LYPD6: variants seen among roughly 807,000 people sequenced by gnomAD.
LYPD6 encodes the protein LY6/PLAUR domain containing 6.
Under a neutral mutation model 22.7 loss-of-function variants are expected in LYPD6, and 15 were observed. That is an observed-to-expected ratio of 0.66 (90% CI 0.44 to 1.02). The LOEUF (loss-of-function observed/expected upper bound fraction) is 1.02. Among genes scored for constraint, LYPD6 ranks in the 50% least tolerant of loss-of-function variants. LYPD6 has a pLI of 0.00. For missense variants in LYPD6, 189 were observed against 208.4 expected, an observed-to-expected ratio of 0.91 and a Z score of 0.57; for synonymous variants, 72 against 77.5, an observed-to-expected ratio of 0.93 and a Z score of 0.37.
downstream of LYPD6, among the ~76,000 whole-genome samples, chr2:149,478,621 G>T (rs1181466676): frequency 6.6e-6 from 1 of 151,940 alleles, no homozygotes; most frequent in African/African-American, 2.4e-5. Flanking sequence ...ATGGGGTCTT[G>T]CTATATTGCC....
intron 1 of LYPD6, among the ~76,000 whole-genome samples, chr2:149,433,934 A>G (rs1201410288): frequency 6.6e-6 from 1 of 152,180 alleles, no homozygotes; most frequent in Non-Finnish European, 1.5e-5. Context: ...ATGTGGAATC[A>G]TGATATATTG....
At chr2:149,391,823 T>C (rs1471897447) in intron 1 of LYPD6, among the ~76,000 whole-genome samples, 2 of 152,180 alleles carry the variant, frequency 1.3e-5, no homozygotes, top group Non-Finnish European at 2.9e-5. Context: ...TGCATCCCTA[T>C]TGGTGGGGAA....
chr2:149,401,318 C>T (rs1042944488), intron 1 of LYPD6, among the ~76,000 whole-genome samples: 4 of 152,194 alleles, frequency 2.6e-5, no homozygotes, highest in African/African-American at 4.8e-5. Context: ...GGCCGGTTGC[C>T]ACCCTGAACA....
chr2:149,398,535 T>C (rs1682479064), intron 1 of LYPD6, among the ~76,000 whole-genome samples: 1 of 152,028 alleles, frequency 6.6e-6, no homozygotes, highest in Non-Finnish European at 1.5e-5. Context: ...GATGCTGCTT[T>C]CCTTACTTTC....
At chr2:149,412,359 T>A (rs181213607) in intron 1 of LYPD6, among the ~76,000 whole-genome samples, 1 of 152,258 alleles carries the variant, frequency 6.6e-6, no homozygotes, top group East Asian at 1.9e-4. Context: ...CTAATTTTAT[T>A]TCTTTTTTTT....
intron 1 of LYPD6, among the ~76,000 whole-genome samples, chr2:149,412,608 A>G (rs1448582475): frequency 6.6e-6 from 1 of 152,162 alleles, no homozygotes; most frequent in African/African-American, 2.4e-5. Flanking sequence ...CAAGAGCAGC[A>G]TAAACATAGC....
chr2:149,348,721 A>T (rs906680269), intron 1 of LYPD6, among the ~76,000 whole-genome samples: 5 of 152,238 alleles, frequency 3.3e-5, no homozygotes. Flanking sequence ...TTGGGGAGCC[A>T]TTAGAAAATT....
chr2:149,414,608 A>G (rs1682922587), intron 1 of LYPD6, among the ~76,000 whole-genome samples: 1 of 152,220 alleles, frequency 6.6e-6, no homozygotes, highest in Non-Finnish European at 1.5e-5. Context: ...CAACTCTTAT[A>G]CAAATCTGAA....
chr2:149,406,889 T>A (rs62190588), intron 1 of LYPD6, among the ~76,000 whole-genome samples: 40,008 of 150,442 alleles, frequency 0.27, 5,136 homozygotes, highest in African/African-American at 0.44. Context: ...CCTTTCCATG[T>A]TTAGTGCTTC....
At chr2:149,347,172 GA>G (rs147054592) in intron 1 of LYPD6, among the ~76,000 whole-genome samples, 3 of 151,988 alleles carry the variant, frequency 2.0e-5, no homozygotes. Context: ...AAGAAGAAGA[GA>G]AAGAGGAGGA....
intron 1 of LYPD6, among the ~76,000 whole-genome samples, chr2:149,411,070 T>A (rs1682839744): frequency 6.6e-6 from 1 of 152,194 alleles, no homozygotes; most frequent in South Asian, 2.1e-4. Flanking sequence ...AGGTCCAAAG[T>A]GTGGTGCCAG....
chr2:149,401,814 C>T (rs925768195), intron 1 of LYPD6, among the ~76,000 whole-genome samples: 2 of 151,972 alleles, frequency 1.3e-5, no homozygotes, highest in Non-Finnish European at 2.9e-5. Context: ...ACCCAACACC[C>T]GAGTAGTGTA....
intron 1 of LYPD6, among the ~76,000 whole-genome samples, chr2:149,343,585 T>C (rs1047234395): frequency 6.6e-6 from 1 of 152,158 alleles, no homozygotes; most frequent in Non-Finnish European, 1.5e-5. Context: ...ACTCTTCCAG[T>C]AGGCAAGTGA....
intron 1 of LYPD6, among the ~76,000 whole-genome samples, chr2:149,344,981 G>A (rs1485853940): frequency 2.0e-5 from 3 of 152,128 alleles, no homozygotes; most frequent in African/African-American, 7.2e-5. Flanking sequence ...CCAGGAGTTT[G>A]GGGCTGCAGT....
intron 1 of LYPD6, among the ~76,000 whole-genome samples, chr2:149,355,009 A>G (rs146649931): frequency 3.3e-5 from 5 of 152,326 alleles, no homozygotes; most frequent in Admixed American, 1.3e-4. Flanking sequence ...TAGCCACTAG[A>G]CACTCAAATA....
intron 1 of LYPD6, among the ~76,000 whole-genome samples, chr2:149,332,090 G>A (rs1680949928): frequency 6.6e-6 from 1 of 152,194 alleles, no homozygotes; most frequent in Non-Finnish European, 1.5e-5. Flanking sequence ...ATGGGTTAAT[G>A]CACATTTATG....
intron 1 of LYPD6, among the ~76,000 whole-genome samples, chr2:149,336,627 A>G (rs762077066): frequency 2.6e-5 from 4 of 152,210 alleles, no homozygotes; most frequent in Non-Finnish European, 5.9e-5. Context: ...TCTGTGTGGA[A>G]AGAAATACAT....
chr2:149,462,369 T>G (rs911469184), intron 3 of LYPD6, among the ~76,000 whole-genome samples: 14 of 151,900 alleles, frequency 9.2e-5, no homozygotes, highest in Admixed American at 9.2e-4. Flanking sequence ...AAGCAAAACA[T>G]GTATAGGACT....
At chr2:149,341,328 C>T (rs1681156357) in intron 1 of LYPD6, among the ~76,000 whole-genome samples, 1 of 152,132 alleles carries the variant, frequency 6.6e-6, no homozygotes, top group South Asian at 2.1e-4. Flanking sequence ...AATGCAGCCT[C>T]CCCAAAGATG....
Sources: allele counts gnomAD v4.1 joint callset (sites outside exome capture counted in the v4.1 genomes callset), GRCh38; gene constraint gnomAD v4.1.1; transcripts MANE v1.5; gene names NCBI Gene and HGNC (gene_info 2026-07-23, HGNC 2026-07-21).